LHPP: variants seen among roughly 807,000 people sequenced by gnomAD.
LHPP encodes phospholysine phosphohistidine inorganic pyrophosphate phosphatase, also known as hLHPP.
LHPP carries 24 observed loss-of-function variants against 30.3 expected under a neutral mutation model. The observed-to-expected ratio is 0.79, with a 90% CI of 0.57 to 1.11. The LOEUF (loss-of-function observed/expected upper bound fraction) is 1.11, where lower values mean the gene tolerates loss of function less well. Among genes scored for constraint, LHPP ranks in the 50% most tolerant of loss-of-function variants. The pLI, the probability that LHPP is intolerant of heterozygous loss-of-function variation, is 0.00. For synonymous variants in LHPP, 150 were observed against 157.1 expected (o/e 0.95, Z 0.34); for missense variants, 356 against 367.2 (o/e 0.97, Z 0.25).
chr10:124,544,898 C>T (rs1024462220), intron 6 of LHPP, among the ~76,000 whole-genome samples: 14 of 152,166 alleles, frequency 9.2e-5, no homozygotes, highest in South Asian at 4.1e-4. Context: ...CACTGTGGCG[C>T]GAGTGCATAT....
At position 124,517,660 on chromosome 10, in the gene LHPP, C is replaced by T. The variant is rs1012630205; in HGVS notation, c.716+389C>T. 4.6e-5 allele frequency among the ~76,000 whole-genome samples: 7 copies of T among 152,214 alleles called. No individual in the cohort carries two copies. Among genetic ancestry groups the T allele is most frequent in the African/African-American group, 1.7e-4 (7 of 41,460 alleles). On this transcript the variant is annotated intron_variant, in intron 6 of 6. Transcript: ENST00000368842. This position sits in a 1 kb window ranked among gnomAD's most constrained non-coding sequence, Gnocchi z 4.1. ...GGGCACTCAGCCCCTTGGACAGCCTCCCTCTCCTTTTGTTCACTTTCTCCA... is the reference window on the plus strand; with the variant it reads ...GGGCACTCAGCCCCTTGGACAGCCTTCCTCTCCTTTTGTTCACTTTCTCCA...
At chr10:124,540,298 G>T (rs2133943578) in intron 6 of LHPP, among the ~76,000 whole-genome samples, 1 of 152,340 alleles carries the variant, frequency 6.6e-6, no homozygotes, top group Admixed American at 6.5e-5. Flanking sequence ...GGCCCTCCAG[G>T]TCCACACGGC....
intron 1 of LHPP, among the ~76,000 whole-genome samples, chr10:124,465,591 G>C (rs1008982563): frequency 1.3e-5 from 2 of 152,196 alleles, no homozygotes. Context: ...GAGGAAGTGA[G>C]AGAGGCTCCG....
Position 124,496,549 on chromosome 10 carries a change from T to G in LHPP, c.468-412T>G, listed in dbSNP as rs1441522412. On this transcript the variant is annotated intron_variant, in intron 3 of 6. Transcript: ENST00000368842. This position sits in a 1 kb window ranked among gnomAD's most constrained non-coding sequence, Gnocchi z 4.3. ...TCAGCCAGCAATTAGGGGTTAATTA[T>G]TAGCAATTAGGGGTTCGCCACATAC... Among the ~76,000 whole-genome samples, 1 of 152,244 alleles carries G rather than the reference T, an allele frequency of 6.6e-6. No homozygotes were observed. The highest frequency in any genetic ancestry group is 2.4e-5 in the African/African-American group (1 of 41,464).
chr10:124,521,128 C>G (rs1290073063), intron 6 of LHPP, among the ~76,000 whole-genome samples: 1 of 152,114 alleles, frequency 6.6e-6, no homozygotes, highest in African/African-American at 2.4e-5. Flanking sequence ...GGCGTGGGGT[C>G]CTGGATGAGT....
intron 6 of LHPP, among the ~76,000 whole-genome samples, chr10:124,545,375 G>A (rs1589850116): frequency 6.6e-6 from 1 of 152,350 alleles, no homozygotes; most frequent in East Asian, 1.9e-4. Flanking sequence ...CTCCCCGAAT[G>A]GTCATTGCCA....
rs1181253594 is a variant in LHPP at position 124,596,885 on chromosome 10, G to A, written c.717-16379G>A. ...TCTGGCTGGTTAAGTGTGTCTGTGA[G>A]GGTGTTGCCAGAGGAGACTGACTTT... On this transcript the variant is annotated intron_variant, in intron 6 of 6. Transcript: ENST00000368842. The surrounding 1 kb of genome is among the most constrained non-coding windows in gnomAD (Gnocchi z 4.6). Among the ~76,000 whole-genome samples the A allele has an allele frequency of 6.6e-6, 1 of 152,246 alleles. No individual in the cohort carries two copies. The highest frequency in any genetic ancestry group is 6.5e-5 in the Admixed American group (1 of 15,290).
chr10:124,514,123 C>A (rs969199969), intron 5 of LHPP, among the ~76,000 whole-genome samples: 1 of 152,158 alleles, frequency 6.6e-6, no homozygotes, highest in African/African-American at 2.4e-5. Context: ...CACTATGACA[C>A]GGGTGGCACC....
chr10:124,596,248 C>T lies in LHPP; in HGVS notation c.717-17016C>T, dbSNP rs1948940638. Among the ~76,000 whole-genome samples the T allele has an allele frequency of 6.6e-6, 1 of 152,088 alleles. No individual in the cohort carries two copies. The highest frequency in any genetic ancestry group is 1.9e-4 in the East Asian group (1 of 5,194). On this transcript the variant is annotated intron_variant, in intron 6 of 6. Transcript: ENST00000368842. This position sits in a 1 kb window ranked among gnomAD's most constrained non-coding sequence, Gnocchi z 4.6. Reference sequence around the variant, plus strand: ...CCATGGCTCTTGGTGGACATAGCCTCATTTCATGTGTGTGACTCAGGAGTG... The same window carrying T: ...CCATGGCTCTTGGTGGACATAGCCTTATTTCATGTGTGTGACTCAGGAGTG...
At chr10:124,485,248 C>T (rs551666317) in intron 2 of LHPP, among the ~76,000 whole-genome samples, 2 of 152,202 alleles carry the variant, frequency 1.3e-5, no homozygotes, top group South Asian at 4.1e-4. Context: ...GCCTTTAGAA[C>T]ATGGTCTTCA....
intron 1 of LHPP, among the ~76,000 whole-genome samples, chr10:124,477,167 C>T (rs1023621992): frequency 1.3e-5 from 2 of 152,206 alleles, no homozygotes; most frequent in Non-Finnish European, 2.9e-5. Flanking sequence ...TGTGCCACTG[C>T]ACTCCAGCCT....
chr10:124,487,286 C>A (rs1337025245), intron 2 of LHPP, among the ~76,000 whole-genome samples: 1 of 152,112 alleles, frequency 6.6e-6, no homozygotes. Context: ...TTCTGCCAGA[C>A]CTTTTTTTCA....
At chr10:124,530,101 C>T (rs1360783651) in intron 6 of LHPP, among the ~76,000 whole-genome samples, 1 of 152,140 alleles carries the variant, frequency 6.6e-6, no homozygotes, top group African/African-American at 2.4e-5. Context: ...GAGGGAGGAA[C>T]CTGGTGAAGC....
chr10:124,537,871 C>T (rs1955069668), intron 6 of LHPP, among the ~76,000 whole-genome samples: 1 of 152,244 alleles, frequency 6.6e-6, no homozygotes, highest in Admixed American at 6.5e-5. Context: ...GGGTCTGTGC[C>T]CCTTTCATGT....
chr10:124,521,854 C>T (rs72837309), intron 6 of LHPP, among the ~76,000 whole-genome samples: 2,510 of 152,052 alleles, frequency 0.017, 32 homozygotes, highest in South Asian at 0.041. Flanking sequence ...CGCACACGTG[C>T]ACGCACTTAC....
chr10:124,604,207 G>A (rs1372859350), intron 6 of LHPP, among the ~76,000 whole-genome samples: 1 of 152,180 alleles, frequency 6.6e-6, no homozygotes, highest in African/African-American at 2.4e-5. Context: ...ACGGAGGTCG[G>A]AGCAGCCTGC....
At chr10:124,540,744 A>G (rs953803053) in intron 6 of LHPP, among the ~76,000 whole-genome samples, 9 of 151,996 alleles carry the variant, frequency 5.9e-5, no homozygotes, top group Non-Finnish European at 1.2e-4. Flanking sequence ...CCGGCCCTAC[A>G]GAGGCCCCGG....
intron 6 of LHPP, among the ~76,000 whole-genome samples, chr10:124,589,181 C>A (rs1227353803): frequency 6.6e-6 from 1 of 152,258 alleles, no homozygotes; most frequent in Non-Finnish European, 1.5e-5. Flanking sequence ...ACAGTCCGTG[C>A]AGAAATGTCA....
intron 6 of LHPP, among the ~76,000 whole-genome samples, chr10:124,597,837 T>TA (rs1388732546): frequency 6.6e-6 from 1 of 152,224 alleles, no homozygotes; most frequent in East Asian, 1.9e-4. Context: ...CAGCTCTTTT[T>TA]AATCTAAACA....
Sources: gnomAD v4.1 joint callset for allele counts (sites outside exome capture counted in the v4.1 genomes callset) on GRCh38, gnomAD v4.1.1 for gene constraint, Gnocchi (gnomAD v3.1) non-coding constraint, MANE v1.5 for transcripts, NCBI Gene and HGNC (gene_info 2026-07-23, HGNC 2026-07-21) for gene names.